Variants in ELMO1 observed in about 807,000 individuals in gnomAD.
The protein encoded by ELMO1 is engulfment and cell motility 1.
A neutral mutation model predicts 98.9 loss-of-function variants in ELMO1; 26 were observed. The observed-to-expected ratio is 0.26, with a 90% CI of 0.19 to 0.36. The LOEUF is 0.36. Among genes scored for constraint, ELMO1 ranks in the 10% least tolerant of loss-of-function variants. ELMO1 has a pLI of 1.00. For missense variants in ELMO1, 627 were observed against 935.2 expected (o/e 0.67, Z 4.30); for synonymous variants, 346 against 346.0 (o/e 1.00, Z 0.00).
At chr7:37,178,050 G>A (rs370063754) in intron 13 of ELMO1, among the ~76,000 whole-genome samples, 1 of 152,084 alleles carries the variant, frequency 6.6e-6, no homozygotes, top group Non-Finnish European at 1.5e-5. Context: ...GATAGCTGGT[G>A]AAGCATTATC....
At chr7:36,875,671 C>T (rs1803898706) in intron 19 of ELMO1, among the ~76,000 whole-genome samples, 1 of 152,182 alleles carries the variant, frequency 6.6e-6, no homozygotes, top group South Asian at 2.1e-4. Context: ...CTCACCCTGG[C>T]AAGCTGGCTC....
intron 1 of ELMO1, among the ~76,000 whole-genome samples, chr7:37,391,280 C>T (rs984138154): frequency 2.0e-5 from 3 of 152,088 alleles, no homozygotes; most frequent in African/African-American, 7.2e-5. Context: ...ACATGTCCGG[C>T]TAATTTTTGT....
chr7:37,342,702 A>C lies in ELMO1; in HGVS notation c.-12T>G, dbSNP rs1239438787. Reference sequence around the variant, plus strand: ...GCGGGTGGCGGCATTGTAAGTCCCCAAAATGTTCAAAGCCAGTGGGAATGA... The same window carrying C: ...GCGGGTGGCGGCATTGTAAGTCCCCCAAATGTTCAAAGCCAGTGGGAATGA... On this transcript the variant is annotated 5_prime_UTR_variant, in exon 2 of 22. Transcript: ENST00000310758. This position sits in a 1 kb window ranked among gnomAD's most constrained non-coding sequence, Gnocchi z 4.3. 1 of 1,606,904 alleles carries C rather than the reference A, an allele frequency of 6.2e-7. No homozygotes were observed. The highest frequency in any genetic ancestry group is 8.5e-7 in the Non-Finnish European group (1 of 1,177,162).
intron 15 of ELMO1, among the ~76,000 whole-genome samples, chr7:37,039,993 T>C (rs1307787341): frequency 6.6e-6 from 1 of 152,204 alleles, no homozygotes; most frequent in Non-Finnish European, 1.5e-5. Context: ...TATATTACAA[T>C]GTTGTCCAGT....
intron 1 of ELMO1, among the ~76,000 whole-genome samples, chr7:37,388,598 C>T (rs1453637682): frequency 1.3e-5 from 2 of 151,068 alleles, no homozygotes; most frequent in South Asian, 4.2e-4. Context: ...TGCAGTCACT[C>T]CATGATGCCA....
intron 16 of ELMO1, among the ~76,000 whole-genome samples, chr7:36,957,094 T>C (rs1167002592): frequency 6.6e-6 from 1 of 152,260 alleles, no homozygotes; most frequent in Non-Finnish European, 1.5e-5. Context: ...TCTTTTCCAA[T>C]GTAAATATGA....
intron 1 of ELMO1, among the ~76,000 whole-genome samples, chr7:37,428,317 A>G (rs2131554134): frequency 6.6e-6 from 1 of 152,318 alleles, no homozygotes; most frequent in East Asian, 1.9e-4. Context: ...CCTAAATATT[A>G]AAGTAGTATG....
At chr7:36,962,001 T>C (rs1009464959) in intron 16 of ELMO1, among the ~76,000 whole-genome samples, 1 of 152,244 alleles carries the variant, frequency 6.6e-6, no homozygotes, top group Non-Finnish European at 1.5e-5. Flanking sequence ...GCTTCCTAAA[T>C]GGAAATGATC....
chr7:36,920,403 T>C (rs144450037), intron 16 of ELMO1, among the ~76,000 whole-genome samples: 45 of 152,306 alleles, frequency 3.0e-4, no homozygotes, highest in African/African-American at 1.1e-3. Context: ...ATAGTTTATG[T>C]TTCCTAATTC....
At position 37,020,296 on chromosome 7, in the gene ELMO1, T is replaced by G. The variant is rs142372181; in HGVS notation, c.1301-6861A>C. On this transcript the variant is annotated intron_variant, in intron 15 of 21. Coordinates refer to ENST00000310758, the MANE Select transcript of ELMO1 (RefSeq NM_014800.11). ...AAAGCCCATCCAAAATTGTAGAACT[T>G]AGAGAGTCTGCCTGCACTGAACTTT... 9.5e-4 allele frequency among the ~76,000 whole-genome samples: 145 copies of G among 152,356 alleles called. 1 individual carries two copies. The highest frequency in any genetic ancestry group is 6.8e-3 in the Middle Eastern group (2 of 294).
intron 16 of ELMO1, among the ~76,000 whole-genome samples, chr7:36,955,608 T>C (rs1329198720): frequency 6.6e-6 from 1 of 152,236 alleles, no homozygotes; most frequent in African/African-American, 2.4e-5. Context: ...GTACATCTTT[T>C]TATTCATCCT....
intron 16 of ELMO1, among the ~76,000 whole-genome samples, chr7:36,901,899 T>C (rs1300660589): frequency 1.3e-5 from 2 of 152,230 alleles, no homozygotes; most frequent in Non-Finnish European, 2.9e-5. Flanking sequence ...CAAGATTATA[T>C]TCAGGACAAA....
Position 36,912,385 on chromosome 7 carries a change from T to C in ELMO1, c.1438-17368A>G, listed in dbSNP as rs112560172. Among the ~76,000 whole-genome samples the C allele has an allele frequency of 2.3e-3, 351 of 152,290 alleles. 3 individuals are homozygous for C. Among genetic ancestry groups the C allele is most frequent in the African/African-American group, 8.3e-3 (343 of 41,570 alleles). ...GCCCATGCTTAGGATGGCACACCTA[T>C]GGAAAGACACCTTAGAAAGGCAGCA... is the stretch of plus-strand genomic sequence containing the variant. On this transcript the variant is annotated intron_variant, in intron 16 of 21. Coordinates refer to ENST00000310758, the MANE Select transcript of ELMO1 (RefSeq NM_014800.11).
intron 16 of ELMO1, among the ~76,000 whole-genome samples, chr7:36,947,047 T>TATAC (rs1212005341): frequency 1.3e-5 from 2 of 152,164 alleles, no homozygotes; most frequent in East Asian, 1.9e-4. Flanking sequence ...ATGCTGAGGT[T>TATAC]TGGACTTCTA....
At chr7:36,985,818 G>T in intron 16 of ELMO1, 1 of 768,724 alleles carries the variant, frequency 1.3e-6, no homozygotes, top group Non-Finnish European at 1.6e-6. Flanking sequence ...GCTCCTCCAT[G>T]TGCTTGTTCC....
At chr7:36,978,408 C>T (rs952185290) in intron 16 of ELMO1, among the ~76,000 whole-genome samples, 4 of 151,860 alleles carry the variant, frequency 2.6e-5, no homozygotes, top group Non-Finnish European at 4.4e-5. Context: ...CCTCTCTTGA[C>T]AGAATACATC....
intron 6 of ELMO1, among the ~76,000 whole-genome samples, chr7:37,251,139 T>C (rs1414824009): frequency 1.3e-5 from 2 of 152,206 alleles, no homozygotes; most frequent in African/African-American, 4.8e-5. Flanking sequence ...GACATTGGAC[T>C]TAAGAGTTGT....
chr7:37,240,522 T>C (rs1794712402), intron 7 of ELMO1, among the ~76,000 whole-genome samples: 1 of 152,150 alleles, frequency 6.6e-6, no homozygotes, highest in Non-Finnish European at 1.5e-5. Context: ...ATTCTTTTTT[T>C]CTACTTAATT....
At chr7:37,266,759 T>C (rs1394677453) in intron 5 of ELMO1, among the ~76,000 whole-genome samples, 2 of 152,078 alleles carry the variant, frequency 1.3e-5, no homozygotes, top group East Asian at 1.9e-4. Context: ...ACACCTGTAA[T>C]CCCAGCACTT....
Sources: allele counts gnomAD v4.1 joint callset (sites outside exome capture counted in the v4.1 genomes callset), GRCh38; gene constraint gnomAD v4.1.1; non-coding constraint Gnocchi (gnomAD v3.1); transcripts MANE v1.5; gene names NCBI Gene and HGNC (gene_info 2026-07-23, HGNC 2026-07-21).